Variants in TULP4 observed in about 807,000 individuals in gnomAD.
The protein encoded by TULP4 is TUB like protein 4.
In TULP4, 16 loss-of-function variants were observed where a neutral mutation model predicts 129.0. That is an observed-to-expected ratio of 0.12 (90% CI 0.08 to 0.19). The LOEUF (loss-of-function observed/expected upper bound fraction) is 0.19, where lower values mean the gene tolerates loss of function less well. TULP4 is among the 10% of genes least tolerant of loss of function. The probability of loss-of-function intolerance (pLI) is 1.00; values close to 1 mark genes in which losing one functional copy is unlikely to be tolerated. For synonymous variants in TULP4, 998 were observed against 854.0 expected, an observed-to-expected ratio of 1.17 and a Z score of -2.94; for missense variants, 1,842 against 2,059.1, an observed-to-expected ratio of 0.89 and a Z score of 2.04.
At chr6:158,504,332 G>A (rs180987361) in intron 13 of TULP4, among the ~76,000 whole-genome samples, 154 bp downstream of exon 13, 20 of 151,426 alleles carry the variant, frequency 1.3e-4, no homozygotes, top group Admixed American at 3.9e-4. Context: ...TTTTTAGTGT[G>A]CCCACTGCTG....
At chr6:158,439,535 C>A (rs542121126) in intron 3 of TULP4, among the ~76,000 whole-genome samples, 6 of 152,126 alleles carry the variant, frequency 3.9e-5, no homozygotes, top group African/African-American at 1.4e-4. Context: ...TCACCTCCTT[C>A]CAGGAGCCTG....
chr6:158,376,411 G>A (rs1009315850), intron 1 of TULP4, among the ~76,000 whole-genome samples: 25 of 152,196 alleles, frequency 1.6e-4, no homozygotes, highest in African/African-American at 2.2e-4. Context: ...GCCGATCCAC[G>A]TGGCCTCTTC....
intron 1 of TULP4, among the ~76,000 whole-genome samples, chr6:158,232,521 G>T (rs982189105): frequency 6.6e-6 from 1 of 151,526 alleles, no homozygotes; most frequent in Non-Finnish European, 1.5e-5. Context: ...GGGCCCGGCG[G>T]CCGTGGCCGC....
intron 1 of TULP4, among the ~76,000 whole-genome samples, chr6:158,367,726 T>C (rs1776953493): frequency 6.6e-6 from 1 of 152,132 alleles, no homozygotes; most frequent in African/African-American, 2.4e-5. Context: ...GATTCTTTTA[T>C]TGTGAACTTT....
Position 158,298,537 on chromosome 6 carries a change from C to T in TULP4, n.117-13514C>T, listed in dbSNP as rs559519142. On this transcript the variant is annotated intron_variant and non_coding_transcript_variant, in intron 1 of 1. Coordinates refer to the TULP4 transcript ENST00000432358. ...CTTGTTCGTTCTCCCAGTTTTGACACAGGATTCTTTGACTGGTCTGGCACA... is the reference window on the plus strand; with the variant it reads ...CTTGTTCGTTCTCCCAGTTTTGACATAGGATTCTTTGACTGGTCTGGCACA... Among the ~76,000 whole-genome samples, 8 of 152,284 alleles carry T rather than the reference C, an allele frequency of 5.3e-5. No homozygotes were observed. The South Asian group carries it at 1.7e-3, about 32-fold the overall frequency.
intron 11 of TULP4, among the ~76,000 whole-genome samples, chr6:158,496,815 A>G (rs1780347546): frequency 6.6e-6 from 1 of 152,160 alleles, no homozygotes; most frequent in Admixed American, 6.6e-5. Context: ...ACAATGAGAG[A>G]GCATGTGAGA....
chr6:158,344,971 A>G (rs1402940635), intron 1 of TULP4, among the ~76,000 whole-genome samples: 1 of 152,248 alleles, frequency 6.6e-6, no homozygotes, highest in Admixed American at 6.5e-5. Context: ...AAAGCAAAAC[A>G]GGCTTATTGC....
chr6:158,253,716 C>T (rs570954908), intron 1 of TULP4, among the ~76,000 whole-genome samples: 8 of 152,266 alleles, frequency 5.3e-5, no homozygotes, highest in African/African-American at 9.6e-5. Flanking sequence ...ACCTACAGAA[C>T]GCCACTGCCC....
At position 158,471,240 on chromosome 6, in the gene TULP4, A is replaced by G. The variant is rs530851235; in HGVS notation, c.1027-8511A>G. The stretch of plus-strand genomic sequence containing the variant: ...GCTAAAAAGGCAGGATGAAAAGCAC[A>G]AGGAAGATTCGGCAGGAGTGCCATG... On this transcript the variant is annotated intron_variant, in intron 6 of 13. Coordinates refer to ENST00000367097, the MANE Select transcript of TULP4 (RefSeq NM_020245.5). Among the ~76,000 whole-genome samples, 2 of 152,358 alleles carry G rather than the reference A, an allele frequency of 1.3e-5. 1 individual carries two copies. The highest frequency in any genetic ancestry group is 1.3e-4 in the Admixed American group (2 of 15,306).
intron 3 of TULP4, among the ~76,000 whole-genome samples, chr6:158,432,234 ACTC>A (rs1395205986): frequency 6.6e-6 from 1 of 151,194 alleles, no homozygotes; most frequent in African/African-American, 2.4e-5. Context: ...GAGCAGGAAT[ACTC>A]CTCCTCCTGT....
rs914191860 is a variant in TULP4, at chr6:158,345,804, A to G, written c.252+31536A>G. Among the ~76,000 whole-genome samples, 3 of 152,310 alleles carry G rather than the reference A, an allele frequency of 2.0e-5. No individual in the cohort carries two copies. The East Asian group carries it at 5.8e-4, about 29-fold the overall frequency. ...AGAGAAGTGGTCTGACCTCAAATTT[A>G]CCAGGGCAGGGTTTTTCCCTACCCT... On this transcript the variant is annotated intron_variant, in intron 1 of 13. Coordinates refer to ENST00000367097, the MANE Select transcript of TULP4 (RefSeq NM_020245.5).
rs201777538 is a variant in TULP4 at position 158,502,597 on chromosome 6, C to T, written c.2934C>T (p.Ser978=). Residue 978 remains serine (S), a synonymous_variant, in exon 13 of 14, where the codon TCC becomes TCT. Coordinates refer to ENST00000367097, the MANE Select transcript of TULP4 (RefSeq NM_020245.5). Reference sequence around the variant, plus strand: ...AGGGGCGGGGGGCTGCCCAGAGGTCCGACAATAGCCTCATCCACGCTACCC... The same window carrying T: ...AGGGGCGGGGGGCTGCCCAGAGGTCTGACAATAGCCTCATCCACGCTACCC... ...LAQGRGAAQR[S]DNSLIHATLR... is the part of the protein sequence containing the mutation. The T allele has an allele frequency of 4.3e-5, 69 of 1,601,158 alleles. No individual in the cohort carries two copies. In the East Asian group the frequency reaches 6.2e-4, roughly 14 times the overall value.
At chr6:158,312,118 G>T, upstream of TULP4, 1 of 398,178 alleles carries the variant, frequency 2.5e-6, no homozygotes, top group Admixed American at 4.4e-5. Flanking sequence ...TGGGGAAGCA[G>T]ACGCTTCGTA....
At chr6:158,299,597 G>A (rs1241133676) in intron 1 of TULP4, among the ~76,000 whole-genome samples, 2 of 152,168 alleles carry the variant, frequency 1.3e-5, no homozygotes, top group East Asian at 3.9e-4. Flanking sequence ...ACAACCAGGT[G>A]CATGTCCAAA....
chr6:158,503,294 G>C lies in TULP4; in HGVS notation c.3631G>C (p.Asp1211His). 6.2e-7 allele frequency: 1 copy of C among 1,613,860 alleles called. No homozygotes were observed. Among genetic ancestry groups the C allele is most frequent in the Non-Finnish European group, 8.5e-7 (1 of 1,179,984 alleles). Residue 1211 changes from aspartate to histidine, a missense_variant, in exon 13 of 14, where the codon GAT becomes CAT. Coordinates refer to ENST00000367097, the MANE Select transcript of TULP4 (RefSeq NM_020245.5). The surrounding 1 kb of genome is among the most constrained non-coding windows in gnomAD (Gnocchi z 4.3). ...AGTGCAGGCTCCCTGCTCTCCCAAA[G>C]ATGCCCTGTCCCCAACGCAGTTTGC... Reference protein sequence around the residue: ...PGVQAPCSPKDALSPTQFAQQ... With the variant: ...PGVQAPCSPKHALSPTQFAQQ...
chr6:158,502,879 C>T lies in TULP4; in HGVS notation c.3216C>T (p.Ser1072=), dbSNP rs768769822. ...CCCAGTCCTCCTACAGCCTCCTGAG[C>T]CCACCCGACAGCGCCCGCGACCGCA... ...LASQSSYSLL[S]PPDSARDRTD... The change falls in exon 13 of 14, where the codon AGC becomes AGT. Residue 1072 remains serine, a synonymous_variant. Coordinates refer to ENST00000367097, the MANE Select transcript of TULP4 (RefSeq NM_020245.5). 5.0e-6 allele frequency: 8 copies of T among 1,613,762 alleles called. No individual in the cohort carries two copies. The highest frequency in any genetic ancestry group is 6.8e-6 in the Non-Finnish European group (8 of 1,180,032).
intron 1 of TULP4, chr6:158,238,522 A>G (rs1269314066): frequency 3.5e-6 from 1 of 284,836 alleles, no homozygotes; most frequent in Admixed American, 5.1e-5. Context: ...GAAGGTCAGC[A>G]GATAAACAAG....
chr6:158,331,926 CT>C (rs1583757738), intron 1 of TULP4, among the ~76,000 whole-genome samples: 2 of 148,660 alleles, frequency 1.3e-5, no homozygotes, highest in African/African-American at 4.9e-5. Context: ...AATCCCAGCA[CT>C]TTGGGAGGCT....
intron 2 of TULP4, among the ~76,000 whole-genome samples, chr6:158,421,361 C>CAAAA (rs71030167): frequency 7.0e-6 from 1 of 142,238 alleles, no homozygotes; most frequent in Non-Finnish European, 1.5e-5. Context: ...GGCTCCGTCT[C>CAAAA]AAAAAAAAAA....
Sources: gnomAD v4.1 joint callset for allele counts (sites outside exome capture counted in the v4.1 genomes callset) on GRCh38, gnomAD v4.1.1 for gene constraint, Gnocchi (gnomAD v3.1) non-coding constraint, MANE v1.5 for transcripts, NCBI Gene and HGNC (gene_info 2026-07-23, HGNC 2026-07-21) for gene names.